The following H6PD variants were observed in gnomAD, a reference collection of about 807,000 sequenced individuals.
H6PD encodes the protein GDH/6PGL endoplasmic bifunctional protein.
Under a neutral mutation model 61.2 loss-of-function variants are expected in H6PD, and 48 were observed. The ratio of observed to expected loss-of-function variants is 0.78; its 90% CI spans 0.62 to 1.00. The LOEUF (loss-of-function observed/expected upper bound fraction) is 1.00. Ranked by LOEUF, H6PD falls within the 50% of genes least tolerant of loss-of-function variation. The probability of loss-of-function intolerance (pLI) is 0.00; values close to 1 mark genes in which losing one functional copy is unlikely to be tolerated. For synonymous variants in H6PD, 480 were observed against 457.9 expected, an observed-to-expected ratio of 1.05 and a Z score of -0.62; for missense variants, 1,093 against 1,065.0, an observed-to-expected ratio of 1.03 and a Z score of -0.37.
At chr1:9,242,054 AC>A (rs1198746039) in intron 1 of H6PD, among the ~76,000 whole-genome samples, 1 of 152,206 alleles carries the variant, frequency 6.6e-6, no homozygotes, top group Non-Finnish European at 1.5e-5. Flanking sequence ...GTTTCGAAAC[AC>A]CTGTGTTAGG....
At chr1:9,239,273 C>T (rs1270585075) in intron 1 of H6PD, among the ~76,000 whole-genome samples, 2 of 152,184 alleles carry the variant, frequency 1.3e-5, no homozygotes, top group East Asian at 3.8e-4. Flanking sequence ...TCTCAATCTC[C>T]TGGGCTCAAG....
At chr1:9,263,216 C>T (rs1638395483) in intron 4 of H6PD, among the ~76,000 whole-genome samples, 1 of 152,178 alleles carries the variant, frequency 6.6e-6, no homozygotes, top group African/African-American at 2.4e-5. Flanking sequence ...TTAGAGTCTC[C>T]AGGTTGGATG....
chr1:9,253,621 G>C (rs1641433916), intron 3 of H6PD, among the ~76,000 whole-genome samples: 1 of 152,184 alleles, frequency 6.6e-6, no homozygotes, highest in African/African-American at 2.4e-5. Flanking sequence ...GGCATTTCAG[G>C]TTTGATGAAA....
At chr1:9,244,822 TG>T in intron 1 of H6PD, 102 bp from the exon 2 acceptor site, 1 of 1,030,710 alleles carries the variant, frequency 9.7e-7, no homozygotes, top group Non-Finnish European at 1.5e-6. Flanking sequence ...AAGAAACACG[TG>T]GTGGTTTCTT....
At chr1:9,236,657 A>G (rs1049426032) in intron 1 of H6PD, among the ~76,000 whole-genome samples, 2 of 148,954 alleles carry the variant, frequency 1.3e-5, no homozygotes, top group South Asian at 4.3e-4. Context: ...TGACAAAGCT[A>G]GACTTCTCCT....
At position 9,245,192 on chromosome 1, in the gene H6PD, C is replaced by T; in HGVS notation, c.258C>T (p.Cys86=). Residue 86 remains cysteine (C), a synonymous_variant, in exon 2 of 5, where the codon TGC becomes TGT. Transcript: ENST00000377403. The surrounding 1 kb of genome is among the most constrained non-coding windows in gnomAD (Gnocchi z 4.8). ...CCAAGGCCCTGGAATCCCTCTCCTG[C>T]CCCAAGGACATGGCACCCAGTCACT... ...LMAKALESLS[C]PKDMAPSHCA... is the part of the protein sequence containing the mutation. 2 of 1,614,236 alleles carry T rather than the reference C, an allele frequency of 1.2e-6. No individual in the cohort carries two copies. The highest frequency in any genetic ancestry group is 8.5e-7 in the Non-Finnish European group (1 of 1,180,040).
In H6PD at chr1:9,247,038, G is replaced by C; in HGVS notation, c.700G>C (p.Val234Leu). ...GGACGGCCTCTGGAACCGGCACCATGTGGAGCGGGTGGAGATCATCATGAA... is the reference window on the plus strand; with the variant it reads ...GGACGGCCTCTGGAACCGGCACCATCTGGAGCGGGTGGAGATCATCATGAA... ...ALDGLWNRHHVERVEIIMKET... is the reference protein window; with the variant it reads ...ALDGLWNRHHLERVEIIMKET... The change falls in exon 3 of 5, where the codon GTG becomes CTG. Residue 234 changes from valine to leucine, a missense_variant. Physicochemically the swap from Val to Leu is conservative, Grantham distance 32. Transcript: ENST00000377403. 6.2e-7 allele frequency: 1 copy of C among 1,613,906 alleles called. No individual in the cohort carries two copies. The highest frequency in any genetic ancestry group is 8.5e-7 in the Non-Finnish European group (1 of 1,179,776).
rs565376960 is a variant in H6PD at position 9,265,181 on chromosome 1, G to A, written c.*312G>A. ...ACATTCATATCAACCAGCACAACAC[G>A]GGATGGCGCCCAAACTCCGGCGTTC... On this transcript the variant is annotated 3_prime_UTR_variant, in exon 5 of 5. Coordinates refer to ENST00000377403, the MANE Select transcript of H6PD (RefSeq NM_004285.4). The A allele has an allele frequency of 5.0e-5, 23 of 462,042 alleles. No homozygotes were observed. Among genetic ancestry groups the A allele is most frequent in the African/African-American group, 3.3e-4 (17 of 50,748 alleles). The allele number at this position is 462,042 out of a possible 1,614,324, so 28.6% of individuals were successfully genotyped here.
At chr1:9,240,579 G>A (rs541727084) in intron 1 of H6PD, among the ~76,000 whole-genome samples, 2 of 152,236 alleles carry the variant, frequency 1.3e-5, no homozygotes, top group African/African-American at 4.8e-5. Flanking sequence ...GAGGCAGGGC[G>A]CAGGCAAGAG....
chr1:9,241,485 C>G (rs1018041434), intron 1 of H6PD, among the ~76,000 whole-genome samples: 2 of 152,132 alleles, frequency 1.3e-5, no homozygotes, highest in African/African-American at 4.8e-5. Context: ...CTCACTGCAG[C>G]CTGGACCTCT....
chr1:9,256,034 C>T (rs1041703550), intron 3 of H6PD, among the ~76,000 whole-genome samples: 1 of 152,170 alleles, frequency 6.6e-6, no homozygotes, highest in Non-Finnish European at 1.5e-5. Flanking sequence ...ACCTCTTTAC[C>T]AGCTGTGTGT....
At position 9,263,640 on chromosome 1, in the gene H6PD, G is replaced by T; in HGVS notation, c.1147G>T (p.Glu383Ter). The T allele has an allele frequency of 6.2e-7, 1 of 1,614,210 alleles. No homozygotes were observed. Among genetic ancestry groups the T allele is most frequent in the South Asian group, 1.1e-5 (1 of 91,086 alleles). The change falls in exon 5 of 5, where the codon GAA (glutamate) becomes TAA (stop). Residue 383 changes from glutamate to a stop codon, truncating the protein, a stop_gained. Transcript: ENST00000377403. LOFTEE classifies it high-confidence loss of function. ...FKNQACCVQS[E>*]KHWAAAQSQC... ...GAACCAGGCCTGCTGTGTGCAGAGC[G>T]AAAAGCACTGGGCCGCGGCGCAGAG...
chr1:9,239,727 T>G (rs1486888485), intron 1 of H6PD: 3 of 365,590 alleles, frequency 8.2e-6, no homozygotes, highest in Non-Finnish European at 1.5e-5. Flanking sequence ...GAAGGTAACG[T>G]CAAAAGCTGG....
At chr1:9,243,516 G>A (rs1026863828) in intron 1 of H6PD, among the ~76,000 whole-genome samples, 4 of 152,128 alleles carry the variant, frequency 2.6e-5, no homozygotes, top group African/African-American at 4.8e-5. Context: ...CATGCCGGCC[G>A]TGATGACTTT....
At chr1:9,236,763 G>T in intron 1 of H6PD, among the ~76,000 whole-genome samples, 1 of 150,936 alleles carries the variant, frequency 6.6e-6, no homozygotes, top group Admixed American at 6.6e-5. Flanking sequence ...CCATCGATTT[G>T]TTTTCCCATT....
intron 3 of H6PD, among the ~76,000 whole-genome samples, chr1:9,256,749 C>T (rs1228500040): frequency 1.3e-5 from 2 of 152,192 alleles, no homozygotes; most frequent in Non-Finnish European, 2.9e-5. Flanking sequence ...GTATAAGAAA[C>T]GGGGATGCAC....
Position 9,263,968 on chromosome 1 carries a change from G to C in H6PD, c.1475G>C (p.Ser492Thr). Reference sequence around the variant, plus strand: ...AACTTCTGGACCCCTCTGCTGGAGAGCCTGGCCCATAAGGCCCCACGCCTC... The same window carrying C: ...AACTTCTGGACCCCTCTGCTGGAGACCCTGGCCCATAAGGCCCCACGCCTC... ...SWNFWTPLLESLAHKAPRLYP... is the reference protein window; with the variant it reads ...SWNFWTPLLETLAHKAPRLYP... Residue 492 changes from serine (S) to threonine (T), a missense_variant, in exon 5 of 5, where the codon AGC becomes ACC. Ser to Thr is a moderately conservative substitution (Grantham distance 58). Transcript: ENST00000377403. 1 of 1,614,226 alleles carries C rather than the reference G, an allele frequency of 6.2e-7. No homozygotes were observed. Among genetic ancestry groups the C allele is most frequent in the Non-Finnish European group, 8.5e-7 (1 of 1,180,042 alleles).
At chr1:9,263,402 C>G in intron 4 of H6PD, 107 bp from the exon 5 acceptor site, 1 of 1,067,290 alleles carries the variant, frequency 9.4e-7, no homozygotes, top group South Asian at 1.3e-5. Flanking sequence ...CGAGGGGCTT[C>G]CCTGAGGCAG....
intron 3 of H6PD, among the ~76,000 whole-genome samples, chr1:9,249,766 C>T (rs1003968443): frequency 2.6e-5 from 4 of 152,206 alleles, no homozygotes; most frequent in African/African-American, 9.7e-5. Context: ...TGCAACTGTC[C>T]TGGGGTTTGG....
Sources: allele counts gnomAD v4.1 joint callset (sites outside exome capture counted in the v4.1 genomes callset), GRCh38; gene constraint gnomAD v4.1.1; non-coding constraint Gnocchi (gnomAD v3.1); transcripts MANE v1.5; gene names NCBI Gene and HGNC (gene_info 2026-07-23, HGNC 2026-07-21).